The following SNX21 variants were observed in gnomAD, a reference collection of about 807,000 sequenced individuals.
SNX21 encodes sorting nexin-21.
Under a neutral mutation model 30.9 loss-of-function variants are expected in SNX21, and 36 were observed. The observed-to-expected ratio is 1.16, with a 90% CI of 0.89 to 1.54. The LOEUF is 1.54. Ranked by LOEUF, SNX21 falls within the 40% of genes most tolerant of loss-of-function variation. The probability of loss-of-function intolerance (pLI) is 0.00; values close to 1 mark genes in which losing one functional copy is unlikely to be tolerated. For missense variants in SNX21, 508 were observed against 516.5 expected (o/e 0.98, Z 0.16); for synonymous variants, 218 against 222.7 (o/e 0.98, Z 0.19).
intron 1 of SNX21, 94 bp downstream of exon 1, chr20:45,834,034 A>G: frequency 7.0e-7 from 1 of 1,418,954 alleles, no homozygotes; most frequent in Non-Finnish European, 9.2e-7. Flanking sequence ...TTGGGGGGAA[A>G]GCGATGCTGG....
At chr20:45,834,608 C>A in intron 2 of SNX21, 140 bp downstream of exon 2, 2 of 1,165,148 alleles carry the variant, frequency 1.7e-6, no homozygotes, top group Non-Finnish European at 2.3e-6. Flanking sequence ...CACCTCTTGG[C>A]TGTGTGACCT....
chr20:45,840,857 C>T lies in SNX21; in HGVS notation c.666C>T (p.His222=). ...RSRAFEQFLG[H]LQAVPELRHA... ...GGGCCTTTGAGCAGTTTTTGGGTCA[C>T]CTGCAGGCAGTGCCTGAGCTGCGCC... Residue 222 remains histidine (H), a synonymous_variant, in exon 4 of 4, where the codon CAC becomes CAT. Coordinates refer to ENST00000491381, the MANE Select transcript of SNX21 (RefSeq NM_033421.4). 1.2e-6 allele frequency: 2 copies of T among 1,613,808 alleles called. No individual in the cohort carries two copies. The highest frequency in any genetic ancestry group is 1.7e-6 in the Non-Finnish European group (2 of 1,180,042).
intron 3 of SNX21, among the ~76,000 whole-genome samples, chr20:45,837,719 G>A (rs1983660363): frequency 6.6e-6 from 1 of 151,510 alleles, no homozygotes; most frequent in Non-Finnish European, 1.5e-5. Flanking sequence ...TGCCACTTGT[G>A]TCCTTTTCTT....
chr20:45,834,165 C>T (rs1440033919), intron 1 of SNX21, 36 bp from the exon 2 acceptor site: 5 of 1,454,366 alleles, frequency 3.4e-6, no homozygotes, highest in Non-Finnish European at 4.5e-6. Flanking sequence ...ACCCCTCCTC[C>T]GGGATCCGGT....
At chr20:45,840,487 T>C (rs1031772224) in intron 3 of SNX21, 152 bp from the exon 4 acceptor site, 11 of 1,613,964 alleles carry the variant, frequency 6.8e-6, no homozygotes, top group Middle Eastern at 1.6e-4. Flanking sequence ...TCCCCGCCAC[T>C]GCGCAGCAGC....
rs1383254340 is a variant in SNX21 at position 45,834,455 on chromosome 20, A to T, written c.276A>T (p.Ser92=). Residue 92 remains serine, a synonymous_variant, in exon 2 of 4, where the codon TCA becomes TCT. Transcript: ENST00000491381. ...AGCTGCCCCTCGGGGATGGGACGTC[A>T]GGAGAAGACGCAGGCGAGTGCAGGA... ...PDQLPLGDGT[S]GEDAERSPPP... The T allele has an allele frequency of 6.2e-7, 1 of 1,604,310 alleles. No individual in the cohort carries two copies. Among genetic ancestry groups the T allele is most frequent in the Admixed American group, 1.7e-5 (1 of 59,638 alleles).
At chr20:45,838,124 C>G (rs1983697416) in intron 3 of SNX21, 2 of 152,014 alleles carry the variant, frequency 1.3e-5, no homozygotes, top group Admixed American at 6.6e-5. Context: ...GCTCTGTCGC[C>G]TAGGCTGGAG....
rs1273297261 is a variant in SNX21, at chr20:45,842,340, CAGAG to C, written c.*1028_*1031del. ...TCTCCTCGCTTCCTCAAAAAGATCA[CAGAG>C]GGAGGAGCTCTGAGAACAGTCTCCT... On this transcript the variant is annotated 3_prime_UTR_variant, in exon 4 of 4. Transcript: ENST00000491381. 23 of 1,383,736 alleles carry C rather than the reference CAGAG, an allele frequency of 1.7e-5. No homozygotes were observed. Among genetic ancestry groups the C allele is most frequent in the Non-Finnish European group, 2.1e-5 (22 of 1,071,290 alleles). The allele number at this position is 1,383,736 out of a possible 1,614,324, so 85.7% of individuals were successfully genotyped here. A position where few individuals can be genotyped will look rare whatever the true frequency, so the allele number is the denominator to read the frequency against.
Position 45,842,550 on chromosome 20 carries a change from G to A in SNX21, c.*1237G>A. On this transcript the variant is annotated 3_prime_UTR_variant, in exon 4 of 4. Transcript: ENST00000491381. Reference sequence around the variant, plus strand: ...GAGAGGACTTGAGGCCATGAGGTCTGGCCTCTTCCCTCCCCATCTGGAGAC... The same window carrying A: ...GAGAGGACTTGAGGCCATGAGGTCTAGCCTCTTCCCTCCCCATCTGGAGAC... 1.0e-6 allele frequency: 1 copy of A among 1,001,134 alleles called. No homozygotes were observed. The highest frequency in any genetic ancestry group is 1.2e-6 in the Non-Finnish European group (1 of 839,490). 62.0% of individuals were successfully genotyped at this position (1,001,134 alleles called of 1,614,324 possible).
rs200389045 is a variant in SNX21 at position 45,840,653 on chromosome 20, C to T, written c.462C>T (p.Ala154=). ...CCTCCCTGCAGCTCTACACCCTCGCCGTGATCGGCCCAGGACCGCCAGATT... is the reference window on the plus strand; with the variant it reads ...CCTCCCTGCAGCTCTACACCCTCGCTGTGATCGGCCCAGGACCGCCAGATT... ...PPSKYVLYTL[A]VIGPGPPDCQ... The change falls in exon 4 of 4, where the codon GCC becomes GCT. Residue 154 remains alanine, a synonymous_variant. Coordinates refer to ENST00000491381, the MANE Select transcript of SNX21 (RefSeq NM_033421.4). 53 of 1,614,052 alleles carry T rather than the reference C, an allele frequency of 3.3e-5. No individual in the cohort carries two copies. Among genetic ancestry groups the T allele is most frequent in the Non-Finnish European group, 4.2e-5 (50 of 1,180,038 alleles).
Position 45,841,653 on chromosome 20 carries a change from G to A in SNX21, c.*340G>A, listed in dbSNP as rs1291691319. ...GCTGAAGGCCAGGGACTCTGCCCCT[G>A]GAGTCCTGGAGTTAAGGGATGAAGG... On this transcript the variant is annotated 3_prime_UTR_variant, in exon 4 of 4. Coordinates refer to ENST00000491381, the MANE Select transcript of SNX21 (RefSeq NM_033421.4). The A allele has an allele frequency of 1.4e-6, 2 of 1,416,344 alleles. No homozygotes were observed. Among genetic ancestry groups the A allele is most frequent in the East Asian group, 2.6e-5 (1 of 38,688 alleles). The allele number at this position is 1,416,344 out of a possible 1,614,324, so 87.7% of individuals were successfully genotyped here.
rs1286320592 is a variant in SNX21 at position 45,834,336 on chromosome 20, C to G, written c.157C>G (p.Leu53Val). The change falls in exon 2 of 4, where the codon CTG becomes GTG. Residue 53 changes from leucine to valine, a missense_variant. Leu to Val is a conservative substitution (Grantham distance 32). Coordinates refer to ENST00000491381, the MANE Select transcript of SNX21 (RefSeq NM_033421.4). ...SELEDDDAEGLSSRLSGTLSF... is the reference protein window; with the variant it reads ...SELEDDDAEGVSSRLSGTLSF... Reference sequence around the variant, plus strand: ...GCTGGAGGACGACGACGCCGAGGGCCTGTCCTCCCGACTCAGCGGCACCCT... The same window carrying G: ...GCTGGAGGACGACGACGCCGAGGGCGTGTCCTCCCGACTCAGCGGCACCCT... 6.3e-7 allele frequency: 1 copy of G among 1,599,576 alleles called. No homozygotes were observed. The highest frequency in any genetic ancestry group is 1.3e-5 in the African/African-American group (1 of 74,870).
chr20:45,834,807 T>A, intron 2 of SNX21, 152 bp from the exon 3 acceptor site: 2 of 1,004,898 alleles, frequency 2.0e-6, no homozygotes, highest in South Asian at 3.1e-5. Flanking sequence ...GCACGGTGTT[T>A]GGCTCCTCGG....
Position 45,840,683 on chromosome 20 carries a change from G to T in SNX21, c.492G>T (p.Gln164His). The change falls in exon 4 of 4, where the codon CAG (glutamine) becomes CAT (histidine). Residue 164 changes from glutamine (Q) to histidine (H), a missense_variant. By Grantham distance (24) the Gln-to-His change is conservative (BLOSUM62 0). Coordinates refer to ENST00000491381, the MANE Select transcript of SNX21 (RefSeq NM_033421.4). Reference sequence around the variant, plus strand: ...TCGGCCCAGGACCGCCAGATTGCCAGCCAGCCCAGATCTCTCGCCGTTACT... The same window carrying T: ...TCGGCCCAGGACCGCCAGATTGCCATCCAGCCCAGATCTCTCGCCGTTACT... ...AVIGPGPPDCQPAQISRRYSD... is the reference protein window; with the variant it reads ...AVIGPGPPDCHPAQISRRYSD... 3.1e-6 allele frequency: 5 copies of T among 1,614,196 alleles called. No individual in the cohort carries two copies. The highest frequency in any genetic ancestry group is 4.2e-6 in the Non-Finnish European group (5 of 1,180,046).
In SNX21 at chr20:45,833,831, T is replaced by A; in HGVS notation, c.-89T>A. ...TGCCCGAGCGGCGCTCTGAGCGGCCTGAGCCCGGCGGAGCCCTGCAGAACC... is the reference window on the plus strand; with the variant it reads ...TGCCCGAGCGGCGCTCTGAGCGGCCAGAGCCCGGCGGAGCCCTGCAGAACC... On this transcript the variant is annotated 5_prime_UTR_variant, in exon 1 of 4. Transcript: ENST00000491381. 8.1e-7 allele frequency: 1 copy of A among 1,227,520 alleles called. No individual in the cohort carries two copies. 76.0% of individuals were successfully genotyped at this position (1,227,520 alleles called of 1,614,324 possible).
rs1157340456 is a variant in SNX21 at position 45,834,357 on chromosome 20, A to G, written c.178A>G (p.Thr60Ala). The G allele has an allele frequency of 6.2e-7, 1 of 1,602,106 alleles. No individual in the cohort carries two copies. Among genetic ancestry groups the G allele is most frequent in the Non-Finnish European group, 8.5e-7 (1 of 1,177,824 alleles). Residue 60 changes from threonine to alanine, a missense_variant, in exon 2 of 4, where the codon ACC becomes GCC. Coordinates refer to ENST00000491381, the MANE Select transcript of SNX21 (RefSeq NM_033421.4). ...GGGCCTGTCCTCCCGACTCAGCGGC[A>G]CCCTCAGCTTCACCAGCGCCGAGGA... ...AEGLSSRLSG[T>A]LSFTSAEDDE...
rs1486149245 is a variant in SNX21 at position 45,840,787 on chromosome 20, G to A, written c.596G>A (p.Arg199Gln). The change falls in exon 4 of 4, where the codon CGG (arginine) becomes CAG (glutamine). Residue 199 changes from arginine (R) to glutamine (Q), a missense_variant. By Grantham distance (43) the Arg-to-Gln change is conservative. Coordinates refer to ENST00000491381, the MANE Select transcript of SNX21 (RefSeq NM_033421.4). ...GCTGCCATCTCCTTCCCCCGTAAGCGGCTGCGCCGGAATTTTACTGCAGAG... is the reference window on the plus strand; with the variant it reads ...GCTGCCATCTCCTTCCCCCGTAAGCAGCTGCGCCGGAATTTTACTGCAGAG... ...PMAAISFPRK[R>Q]LRRNFTAETI... 8.7e-6 allele frequency: 14 copies of A among 1,614,006 alleles called. No homozygotes were observed. Among genetic ancestry groups the A allele is most frequent in the East Asian group, 2.2e-5 (1 of 44,886 alleles).
chr20:45,837,941 T>C (rs1983682426), intron 3 of SNX21, among the ~76,000 whole-genome samples: 1 of 151,708 alleles, frequency 6.6e-6, no homozygotes, highest in Non-Finnish European at 1.5e-5. Context: ...CCTGGCTAAC[T>C]TTTGCATTTT....
At chr20:45,836,252 C>T (rs1983518280) in intron 3 of SNX21, among the ~76,000 whole-genome samples, 1 of 152,084 alleles carries the variant, frequency 6.6e-6, no homozygotes, top group Non-Finnish European at 1.5e-5. Flanking sequence ...AATCCCAGCA[C>T]TTTGGGAAGC....
Sources: gnomAD v4.1 joint callset for allele counts (sites outside exome capture counted in the v4.1 genomes callset) on GRCh38, gnomAD v4.1.1 for gene constraint, MANE v1.5 for transcripts, NCBI Gene and HGNC (gene_info 2026-07-23, HGNC 2026-07-21) for gene names.